Variants in ERP44 observed in about 807,000 individuals in gnomAD.
ERP44 encodes endoplasmic reticulum protein 44, also known as endoplasmic reticulum resident protein 44.
ERP44 carries 25 observed loss-of-function variants against 53.4 expected under a neutral mutation model. The ratio of observed to expected loss-of-function variants is 0.47; its 90% CI spans 0.34 to 0.65. The LOEUF (loss-of-function observed/expected upper bound fraction) is 0.65, where lower values mean the gene tolerates loss of function less well. Among genes scored for constraint, ERP44 ranks in the 30% least tolerant of loss-of-function variants. The pLI, the probability that ERP44 is intolerant of heterozygous loss-of-function variation, is 0.01. For synonymous variants in ERP44, 145 were observed against 161.2 expected (o/e 0.90, Z 0.76); for missense variants, 338 against 493.2 (o/e 0.69, Z 2.98).
intron 4 of ERP44, among the ~76,000 whole-genome samples, chr9:100,044,338 A>G (rs553627211): frequency 2.0e-5 from 3 of 152,170 alleles, no homozygotes; most frequent in Non-Finnish European, 4.4e-5. Context: ...TTTTATCATT[A>G]TTATTGTCAT....
At chr9:100,068,941 T>C (rs1826268412) in intron 1 of ERP44, among the ~76,000 whole-genome samples, 2 of 152,232 alleles carry the variant, frequency 1.3e-5, no homozygotes, top group Admixed American at 6.5e-5. Flanking sequence ...TTTTGTTCTG[T>C]ACTAAGAAAA....
At position 100,052,536 on chromosome 9, in the gene ERP44, T is replaced by C; in HGVS notation, c.171-4A>G. 1.9e-6 allele frequency: 3 copies of C among 1,538,972 alleles called. No homozygotes were observed. The highest frequency in any genetic ancestry group is 2.7e-6 in the Non-Finnish European group (3 of 1,123,308). On this transcript the variant is annotated splice_region_variant and splice_polypyrimidine_tract_variant and intron_variant, in intron 3 of 11. Transcript: ENST00000262455. ...CAACATCTGACTGAAACGACACCTA[T>C]ACACAGAGAAGGATGCCAATTAGAA... is the stretch of plus-strand genomic sequence containing the variant.
chr9:100,081,888 A>T (rs1311465780), intron 1 of ERP44, among the ~76,000 whole-genome samples: 2 of 152,184 alleles, frequency 1.3e-5, no homozygotes, highest in Non-Finnish European at 2.9e-5. Flanking sequence ...CTCACTGCAA[A>T]TCACATAACT....
At chr9:100,094,862 T>C (rs1891334) in intron 1 of ERP44, among the ~76,000 whole-genome samples, 102,361 of 151,214 alleles carry the variant, frequency 0.68, 35,853 homozygotes, top group East Asian at 0.91. Flanking sequence ...GTCCCAGCTA[T>C]TCAGGAGGCT....
chr9:100,013,355 G>A (rs1830495270), intron 8 of ERP44, among the ~76,000 whole-genome samples: 1 of 150,930 alleles, frequency 6.6e-6, no homozygotes, highest in African/African-American at 2.4e-5. Flanking sequence ...CTTACTACTG[G>A]GAAAATTAGA....
chr9:100,008,761 A>C (rs553378028), intron 8 of ERP44, among the ~76,000 whole-genome samples: 1 of 152,240 alleles, frequency 6.6e-6, no homozygotes, highest in South Asian at 2.1e-4. Flanking sequence ...AGCATACCAT[A>C]AATTTCACCA....
chr9:100,015,087 T>C (rs1035899090), intron 8 of ERP44, among the ~76,000 whole-genome samples: 5 of 152,196 alleles, frequency 3.3e-5, no homozygotes, highest in African/African-American at 9.6e-5. Flanking sequence ...ATCTCATGAA[T>C]GGAGGATTCA....
At chr9:99,985,909 T>A (rs2118598390) in intron 10 of ERP44, among the ~76,000 whole-genome samples, 1 of 152,338 alleles carries the variant, frequency 6.6e-6, no homozygotes, top group South Asian at 2.1e-4. Context: ...TGCGGCATTC[T>A]CTTTACGAAA....
intron 4 of ERP44, among the ~76,000 whole-genome samples, chr9:100,030,138 C>G (rs1825766298): frequency 1.3e-5 from 2 of 152,138 alleles, no homozygotes; most frequent in African/African-American, 2.4e-5. Flanking sequence ...AAATACAACT[C>G]AGGGCTGCTC....
chr9:100,018,115 G>C lies in ERP44; in HGVS notation c.645+141C>G, dbSNP rs1037119251. On this transcript the variant is annotated intron_variant, in intron 7 of 11. Transcript: ENST00000262455. The stretch of plus-strand genomic sequence containing the variant: ...TCCCACCTTCATTTTGAAGGGTTTA[G>C]ATCAGCACAAGATGATGCTTCAAAC... The C allele has an allele frequency of 7.7e-6, 5 of 650,630 alleles. No homozygotes were observed. In the Admixed American group the frequency reaches 9.1e-5, roughly 12 times the overall value. 40.3% of individuals were successfully genotyped at this position (650,630 alleles called of 1,614,324 possible). A position where few individuals can be genotyped will look rare whatever the true frequency, so the allele number is the denominator to read the frequency against.
chr9:100,045,264 T>A (rs1389817821), intron 4 of ERP44, among the ~76,000 whole-genome samples: 1 of 152,162 alleles, frequency 6.6e-6, no homozygotes, highest in African/African-American at 2.4e-5. Flanking sequence ...TTTAATCATT[T>A]CCTCGAAAAC....
At chr9:100,015,994 G>A (rs995060142) in intron 8 of ERP44, among the ~76,000 whole-genome samples, 2 of 152,130 alleles carry the variant, frequency 1.3e-5, no homozygotes, top group Admixed American at 6.5e-5. Context: ...GCGGCCCAGG[G>A]TATGGGGACC....
intron 3 of ERP44, among the ~76,000 whole-genome samples, chr9:100,054,541 T>C (rs1826069742): frequency 6.6e-6 from 1 of 152,222 alleles, no homozygotes; most frequent in Admixed American, 6.5e-5. Context: ...ACAGGTTGAA[T>C]GCCCCTAATC....
At chr9:99,996,989 GTGTGTATATATATATAT>G (rs1830317627) in intron 10 of ERP44, among the ~76,000 whole-genome samples, 1 of 106,380 alleles carries the variant, frequency 9.4e-6, no homozygotes, top group Admixed American at 1.2e-4. Flanking sequence ...ATGTATATGT[GTGTGTATATATATATAT>G]ATATGCACAT....
chr9:100,056,754 G>C (rs117614225), intron 3 of ERP44, among the ~76,000 whole-genome samples: 1 of 152,182 alleles, frequency 6.6e-6, no homozygotes, highest in East Asian at 1.9e-4. Flanking sequence ...GTCCAGTGAT[G>C]AAATACAGAA....
At chr9:100,024,837 T>C (rs1830636138) in intron 4 of ERP44, among the ~76,000 whole-genome samples, 2 of 152,222 alleles carry the variant, frequency 1.3e-5, no homozygotes, top group South Asian at 4.1e-4. Context: ...TTTCAAAAAA[T>C]ATACTTCTAA....
At chr9:100,090,489 C>T (rs902419559) in intron 1 of ERP44, among the ~76,000 whole-genome samples, 3 of 152,176 alleles carry the variant, frequency 2.0e-5, no homozygotes, top group Non-Finnish European at 4.4e-5. Flanking sequence ...TGGCTCACGG[C>T]TGTAATCCTA....
At chr9:100,094,711 A>G (rs557168995) in intron 1 of ERP44, among the ~76,000 whole-genome samples, 1 of 152,182 alleles carries the variant, frequency 6.6e-6, no homozygotes, top group African/African-American at 2.4e-5. Context: ...GCTCATTCCT[A>G]TAATCCTAAC....
At chr9:100,010,798 G>A (rs573057186) in intron 8 of ERP44, among the ~76,000 whole-genome samples, 2 of 151,998 alleles carry the variant, frequency 1.3e-5, no homozygotes, top group South Asian at 4.2e-4. Context: ...CTACTCAGGA[G>A]GCTGAGGCAG....
Sources: gnomAD v4.1 joint callset for allele counts (sites outside exome capture counted in the v4.1 genomes callset) on GRCh38, gnomAD v4.1.1 for gene constraint, MANE v1.5 for transcripts, NCBI Gene and HGNC (gene_info 2026-07-23, HGNC 2026-07-21) for gene names.